Variants in RGS5 observed in about 807,000 individuals in gnomAD.
RGS5 encodes regulator of G-protein signalling 5.
RGS5 carries 20 observed loss-of-function variants against 18.9 expected under a neutral mutation model. The observed-to-expected ratio is 1.06, with a 90% CI of 0.74 to 1.54. RGS5 has a LOEUF of 1.54. RGS5 is among the 40% of genes most tolerant of loss of function. RGS5 has a pLI of 0.00. For synonymous variants in RGS5, 57 were observed against 76.2 expected (o/e 0.75, Z 1.31); for missense variants, 201 against 211.8 (o/e 0.95, Z 0.32).
intron 1 of RGS5, among the ~76,000 whole-genome samples, chr1:163,210,481 G>A (rs1327369341): frequency 6.6e-6 from 1 of 152,064 alleles, no homozygotes; most frequent in Admixed American, 6.6e-5. Flanking sequence ...ACTTTTAAAG[G>A]ATTCCAGTGA....
chr1:163,220,507 A>G (rs897870607), upstream of RGS5, among the ~76,000 whole-genome samples: 2 of 152,144 alleles, frequency 1.3e-5, no homozygotes, highest in African/African-American at 4.8e-5. Context: ...GACAGTTTCA[A>G]AAAGTCTAGC....
At chr1:163,318,357 A>C (rs1244778730) in intron 1 of RGS5, among the ~76,000 whole-genome samples, 1 of 152,160 alleles carries the variant, frequency 6.6e-6, no homozygotes, top group Non-Finnish European at 1.5e-5. Flanking sequence ...ATAGATTTAC[A>C]TTTGAGACTG....
intron 1 of RGS5, among the ~76,000 whole-genome samples, chr1:163,186,074 T>A (rs1392218958): frequency 7.8e-4 from 1 of 1,290 alleles, no homozygotes; most frequent in Non-Finnish European, 0.033. Context: ...AAAAAAGGTC[T>A]TTTTTTTTTT....
chr1:163,164,617 C>A (rs1657965018), intron 2 of RGS5, among the ~76,000 whole-genome samples: 1 of 152,170 alleles, frequency 6.6e-6, no homozygotes. Context: ...CAGCATCAAT[C>A]CACCTTGCAA....
chr1:163,226,974 T>G (rs1403002606), intron 2 of RGS5, among the ~76,000 whole-genome samples: 1 of 152,196 alleles, frequency 6.6e-6, no homozygotes, highest in Non-Finnish European at 1.5e-5. Context: ...TAGTCCTAAG[T>G]GACAATTAGA....
intron 1 of RGS5, among the ~76,000 whole-genome samples, chr1:163,311,349 TTG>T (rs1421221965): frequency 6.6e-6 from 1 of 152,228 alleles, no homozygotes; most frequent in Non-Finnish European, 1.5e-5. Flanking sequence ...TTCTTATCAT[TTG>T]TGTGTTCACT....
At chr1:163,204,655 A>T (rs1659899726), upstream of RGS5, among the ~76,000 whole-genome samples, 1 of 152,224 alleles carries the variant, frequency 6.6e-6, no homozygotes, top group African/African-American at 2.4e-5. Context: ...GTAAATACTG[A>T]ATGAGTTAAA....
intron 2 of RGS5, among the ~76,000 whole-genome samples, chr1:163,293,201 A>T (rs1294601682): frequency 6.6e-6 from 1 of 152,152 alleles, no homozygotes; most frequent in Non-Finnish European, 1.5e-5. Context: ...TATGTGGTGT[A>T]AGCAAGGTGT....
intron 2 of RGS5, among the ~76,000 whole-genome samples, chr1:163,289,349 A>C (rs1441974010): frequency 6.6e-6 from 1 of 151,974 alleles, no homozygotes; most frequent in African/African-American, 2.4e-5. Flanking sequence ...CCTCCTCCAG[A>C]AAGGATTTTC....
intron 2 of RGS5, among the ~76,000 whole-genome samples, chr1:163,249,055 C>T (rs1300082271): frequency 1.3e-5 from 2 of 152,148 alleles, no homozygotes; most frequent in Non-Finnish European, 2.9e-5. Context: ...GAAATGTGCT[C>T]ATATTGCCAT....
intron 1 of RGS5, among the ~76,000 whole-genome samples, chr1:163,179,289 CCT>C (rs1366238658): frequency 1.3e-5 from 2 of 152,186 alleles, no homozygotes; most frequent in East Asian, 1.9e-4. Flanking sequence ...CCTTACCTTG[CCT>C]TAGTTTTCTC....
At chr1:163,234,926 C>T (rs916688251) in intron 2 of RGS5, among the ~76,000 whole-genome samples, 2 of 152,112 alleles carry the variant, frequency 1.3e-5, no homozygotes, top group African/African-American at 4.8e-5. Flanking sequence ...GGAAACTGTT[C>T]CAAAAGATTG....
chr1:163,147,918 C>CTTTTTTTTCTTTTTTTTTTTTTTTTTT (rs3065035), intron 4 of RGS5, among the ~76,000 whole-genome samples: 7 of 78,090 alleles, frequency 9.0e-5, no homozygotes, highest in Admixed American at 1.8e-4. Flanking sequence ...TTTTCTTTTT[C>CTTTTTTTTCTTTTTTTTTTTTTTTTTT]TTTTTTTTTT....
intron 1 of RGS5, among the ~76,000 whole-genome samples, chr1:163,177,202 A>G (rs1658595080): frequency 2.0e-5 from 3 of 152,082 alleles, no homozygotes; most frequent in Non-Finnish European, 4.4e-5. Context: ...AATGTAATTC[A>G]CTCTTAACCC....
In RGS5 at chr1:163,299,098, T is replaced by C. The variant is rs747847706; in HGVS notation, c.-281+7135A>G. Among the ~76,000 whole-genome samples the C allele has an allele frequency of 4.6e-5, 7 of 152,204 alleles. No homozygotes were observed. The East Asian group carries it at 9.7e-4, about 21-fold the overall frequency. ...ATGTTGGGGGTAGGCACTGCAGAGA[T>C]GAGAAAAGGAGCTGAATAGTATAGA... is the stretch of plus-strand genomic sequence containing the variant. On this transcript the variant is annotated intron_variant, in intron 2 of 5. Coordinates refer to the RGS5 transcript ENST00000618415.
chr1:163,315,737 T>G (rs1235247913), intron 1 of RGS5, among the ~76,000 whole-genome samples: 1 of 152,144 alleles, frequency 6.6e-6, no homozygotes, highest in Non-Finnish European at 1.5e-5. Context: ...AGAAGTCAAG[T>G]GGATTAACAG....
intron 1 of RGS5, among the ~76,000 whole-genome samples, chr1:163,195,605 T>C (rs1326821195): frequency 2.0e-5 from 3 of 151,812 alleles, no homozygotes; most frequent in Non-Finnish European, 4.4e-5. Context: ...TTAAAATATA[T>C]ATATATTGAA....
intron 2 of RGS5, among the ~76,000 whole-genome samples, chr1:163,232,645 GC>G (rs2101685467): frequency 6.6e-6 from 1 of 152,222 alleles, no homozygotes; most frequent in South Asian, 2.1e-4. Flanking sequence ...AATATGCTGT[GC>G]CTTCTATTTC....
chr1:163,194,600 C>A (rs934118937), intron 1 of RGS5, among the ~76,000 whole-genome samples: 3 of 152,024 alleles, frequency 2.0e-5, no homozygotes, highest in Non-Finnish European at 4.4e-5. Context: ...TATCTAGTAC[C>A]TTTCCCACAT....
Sources: allele counts gnomAD v4.1 joint callset (sites outside exome capture counted in the v4.1 genomes callset), GRCh38; gene constraint gnomAD v4.1.1; transcripts MANE v1.5; gene names NCBI Gene and HGNC (gene_info 2026-07-23, HGNC 2026-07-21).